ACADS: variants seen among roughly 807,000 people sequenced by gnomAD.
The protein encoded by ACADS is acyl-CoA dehydrogenase short chain, also known as short-chain specific acyl-CoA dehydrogenase, mitochondrial.
In ACADS, 28 loss-of-function variants were observed where a neutral mutation model predicts 46.8. The ratio of observed to expected loss-of-function variants is 0.60; its 90% confidence interval spans 0.44 to 0.82. The LOEUF (loss-of-function observed/expected upper bound fraction) is 0.82. ACADS is among the 40% of genes least tolerant of loss of function. ACADS has a pLI of 0.00. For missense variants in ACADS, 528 were observed against 578.0 expected (o/e 0.91, Z 0.89); for synonymous variants, 236 against 237.7 (o/e 0.99, Z 0.07).
At chr12:120,725,972 C>T (rs750729288) in intron 1 of ACADS, 41 bp downstream of exon 1, 2 of 1,502,252 alleles carry the variant, frequency 1.3e-6, no homozygotes, top group Non-Finnish European at 1.8e-6. Context: ...CTTCAGCCCG[C>T]GTCTGGCCCA....
rs973350710 is a variant in ACADS at position 120,728,455 on chromosome 12, G to A, written c.210+1266G>A. 6.7e-6 allele frequency among the ~76,000 whole-genome samples: 1 copy of A among 149,896 alleles called. No homozygotes were observed. Among genetic ancestry groups the A allele is most frequent in the Non-Finnish European group, 1.5e-5 (1 of 67,654 alleles). On this transcript the variant is annotated intron_variant, in intron 2 of 9. Coordinates refer to ENST00000242592, the MANE Select transcript of ACADS (RefSeq NM_000017.4). The surrounding 1 kb of genome is among the most constrained non-coding windows in gnomAD (Gnocchi z 4.0). ...GATTTGTGAAAAGTCAAACCTCTCC[G>A]GCCTCTTCTCCTTGCCTGTTTTTTT...
At chr12:120,736,698 C>T (rs1382867302) in intron 2 of ACADS, among the ~76,000 whole-genome samples, 1 of 152,140 alleles carries the variant, frequency 6.6e-6, no homozygotes, top group Non-Finnish European at 1.5e-5. Flanking sequence ...CTCTGAGTTC[C>T]CTGAAAGCAT....
chr12:120,739,290 T>A lies in ACADS; in HGVS notation c.1087-6T>A, dbSNP rs762443848. 5.6e-6 allele frequency: 9 copies of A among 1,612,940 alleles called. No individual in the cohort carries two copies. The highest frequency in any genetic ancestry group is 4.0e-5 in the African/African-American group (3 of 74,946). On this transcript the variant is annotated splice_region_variant and splice_polypyrimidine_tract_variant and intron_variant, in intron 9 of 9. Transcript: ENST00000242592. ...TCTCCCTCCTGAGCCACTGTTCTCATCTCAGGCCATCCAGATCCTGGGCGG... is the reference window on the plus strand; with the variant it reads ...TCTCCCTCCTGAGCCACTGTTCTCAACTCAGGCCATCCAGATCCTGGGCGG...
In ACADS at chr12:120,739,619, G is replaced by A; in HGVS notation, c.*171G>A. ...TGGGAATGAGGCCCTCCGACCATTGGCAGCTCCGCCTCTGGGCCTTTCCGC... is the reference window on the plus strand; with the variant it reads ...TGGGAATGAGGCCCTCCGACCATTGACAGCTCCGCCTCTGGGCCTTTCCGC... On this transcript the variant is annotated 3_prime_UTR_variant, in exon 10 of 10. Transcript: ENST00000242592. 1 of 746,778 alleles carries A rather than the reference G, an allele frequency of 1.3e-6. No homozygotes were observed. Among genetic ancestry groups the A allele is most frequent in the South Asian group, 1.8e-5 (1 of 54,072 alleles). 46.3% of individuals were successfully genotyped at this position (746,778 alleles called of 1,614,324 possible). A position where few individuals can be genotyped will look rare whatever the true frequency, so the allele number is the denominator to read the frequency against.
Position 120,738,305 on chromosome 12 carries a change from T to G in ACADS, c.650T>G (p.Met217Arg), listed in dbSNP as rs1472894784. The change falls in exon 6 of 10, where the codon ATG (methionine) becomes AGG (arginine). Residue 217 changes from methionine to arginine, a missense_variant. Met to Arg is a moderately conservative substitution (Grantham distance 91). Coordinates refer to ENST00000242592, the MANE Select transcript of ACADS (RefSeq NM_000017.4). ...NKGISAFLVP[M>R]PTPGLTLGKK... Reference sequence around the variant, plus strand: ...GGCATCAGTGCCTTCCTGGTCCCCATGCCAACGCCTGGGCTCACGTTGGGG... The same window carrying G: ...GGCATCAGTGCCTTCCTGGTCCCCAGGCCAACGCCTGGGCTCACGTTGGGG... 2.5e-6 allele frequency: 4 copies of G among 1,614,062 alleles called. No individual in the cohort carries two copies. The highest frequency in any genetic ancestry group is 3.4e-6 in the Non-Finnish European group (4 of 1,180,038).
intron 2 of ACADS, among the ~76,000 whole-genome samples, chr12:120,729,941 C>G (rs10849781): frequency 6.6e-6 from 1 of 152,176 alleles, no homozygotes; most frequent in African/African-American, 2.4e-5. Flanking sequence ...GTGAGTGGAA[C>G]TGCCATGTCT....
Position 120,739,505 on chromosome 12 carries a change from C to T in ACADS, c.*57C>T. 1 of 1,579,610 alleles carries T rather than the reference C, an allele frequency of 6.3e-7. No homozygotes were observed. The highest frequency in any genetic ancestry group is 1.1e-5 in the South Asian group (1 of 89,460). On this transcript the variant is annotated 3_prime_UTR_variant, in exon 10 of 10. Coordinates refer to ENST00000242592, the MANE Select transcript of ACADS (RefSeq NM_000017.4). ...AGGCGCGGGAGCCAGGGGCCTCCAC[C>T]CCAACCCCGGCTCAGAGACTGGGCG...
chr12:120,729,946 A>C (rs1017385318), intron 2 of ACADS, among the ~76,000 whole-genome samples: 1 of 152,136 alleles, frequency 6.6e-6, no homozygotes. Flanking sequence ...TGGAACTGCC[A>C]TGTCTTTCAC....
chr12:120,735,727 C>T (rs188776236), intron 2 of ACADS, among the ~76,000 whole-genome samples: 8 of 151,820 alleles, frequency 5.3e-5, no homozygotes, highest in Admixed American at 3.3e-4. Context: ...GGTGAAAACC[C>T]GTCTCTACTA....
chr12:120,725,918 C>T lies in ACADS; in HGVS notation c.33C>T (p.Gly11=). 1 of 1,555,360 alleles carries T rather than the reference C, an allele frequency of 6.4e-7. No individual in the cohort carries two copies. The highest frequency in any genetic ancestry group is 8.6e-7 in the Non-Finnish European group (1 of 1,160,062). Residue 11 remains glycine, a synonymous_variant, in exon 1 of 10, where the codon GGC becomes GGT. Coordinates refer to ENST00000242592, the MANE Select transcript of ACADS (RefSeq NM_000017.4). ...CCGCGCTGCTCGCCCGGGCCTCGGG[C>T]CCTGCCCGCAGAGGTGAGTGCGCTG... MAAALLARAS[G]PARRALCPRA...
At chr12:120,727,329 AG>A in intron 2 of ACADS, 140 bp downstream of exon 2, 2 of 1,157,630 alleles carry the variant, frequency 1.7e-6, no homozygotes, top group Non-Finnish European at 2.6e-6. Flanking sequence ...ATGCTCTGGA[AG>A]TTTCCCTTGT....
chr12:120,727,513 C>T (rs1159189642), intron 2 of ACADS, among the ~76,000 whole-genome samples: 2 of 152,200 alleles, frequency 1.3e-5, no homozygotes, highest in African/African-American at 4.8e-5. Context: ...TTCCTCACAA[C>T]GGTCCTGTGA....
In ACADS at chr12:120,739,447, G is replaced by A; in HGVS notation, c.1238G>A (p.Ter413=). 7 of 1,608,242 alleles carry A rather than the reference G, an allele frequency of 4.4e-6. No homozygotes were observed. Among genetic ancestry groups the A allele is most frequent in the Non-Finnish European group, 5.9e-6 (7 of 1,179,288 alleles). The change falls in exon 10 of 10, where the codon TGA becomes TAA. Residue 413 remains the stop codon, a stop_retained_variant. Transcript: ENST00000242592. ...CATCTGCTCAGGAGCTACCGGAGCT[G>A]AGCCCGCGGCGGACTGCCCCAGGAC... ...AGHLLRSYRS[*]
Position 120,725,873 on chromosome 12 carries a change from G to A in ACADS, c.-13G>A, listed in dbSNP as rs780946052. 1.3e-6 allele frequency: 2 copies of A among 1,548,230 alleles called. No individual in the cohort carries two copies. The highest frequency in any genetic ancestry group is 3.8e-5 in the Admixed American group (2 of 52,434). On this transcript the variant is annotated 5_prime_UTR_variant, in exon 1 of 10. It adds an upstream start codon to the 5' untranslated region. Transcript: ENST00000242592. ...GCGGGAGGTCGCGAAGCCTGGGACT[G>A]TGTCTGTCGCCCATGGCCGCCGCGC...
intron 2 of ACADS, among the ~76,000 whole-genome samples, chr12:120,729,340 C>T (rs1452104776): frequency 6.6e-6 from 1 of 151,214 alleles, no homozygotes; most frequent in African/African-American, 2.4e-5. Flanking sequence ...TCACTGCAGC[C>T]TCTGTCTCCC....
intron 2 of ACADS, among the ~76,000 whole-genome samples, chr12:120,733,115 G>C (rs375862525): frequency 9.3e-5 from 3 of 32,190 alleles, no homozygotes; most frequent in African/African-American, 2.8e-4. Flanking sequence ...GCAGGCACTC[G>C]GCAGGCTGAG....
At chr12:120,735,486 T>G (rs1592938388) in intron 2 of ACADS, among the ~76,000 whole-genome samples, 1 of 151,908 alleles carries the variant, frequency 6.6e-6, no homozygotes, top group East Asian at 1.9e-4. Flanking sequence ...AGAACAGTCC[T>G]TTGAGGTGAG....
chr12:120,729,752 C>G (rs949488767), intron 2 of ACADS, among the ~76,000 whole-genome samples: 2 of 152,092 alleles, frequency 1.3e-5, no homozygotes, highest in Non-Finnish European at 2.9e-5. Flanking sequence ...TGCCTGAAAT[C>G]TAGAGATAAA....
chr12:120,735,791 C>A (rs1423913106), intron 2 of ACADS, among the ~76,000 whole-genome samples: 1 of 151,850 alleles, frequency 6.6e-6, no homozygotes, highest in African/African-American at 2.4e-5. Flanking sequence ...CTCAGCTACT[C>A]GGTAGGCTGA....
Sources: allele counts gnomAD v4.1 joint callset (sites outside exome capture counted in the v4.1 genomes callset), GRCh38; gene constraint gnomAD v4.1.1; non-coding constraint Gnocchi (gnomAD v3.1); transcripts MANE v1.5; gene names NCBI Gene and HGNC (gene_info 2026-07-23, HGNC 2026-07-21).